The following SPIRE2 variants were observed in gnomAD, a reference collection of about 807,000 sequenced individuals.
The protein encoded by SPIRE2 is protein spire homolog 2.
SPIRE2 carries 76 observed loss-of-function variants against 80.7 expected under a neutral mutation model. The ratio of observed to expected loss-of-function variants is 0.94; its 90% CI spans 0.78 to 1.14. The LOEUF (loss-of-function observed/expected upper bound fraction) is 1.14, where lower values mean the gene tolerates loss of function less well. Among genes scored for constraint, SPIRE2 ranks in the 50% most tolerant of loss-of-function variants. The pLI is 0.00. For synonymous variants in SPIRE2, 535 were observed against 432.6 expected (o/e 1.24, Z -2.94); for missense variants, 1,196 against 1,015.3 (o/e 1.18, Z -2.42).
At position 89,852,974 on chromosome 16, in the gene SPIRE2, GGATCCCATGGCCCGTCTTCCA is replaced by G. The variant is rs1567674811; in HGVS notation, c.646-1311_646-1291del. Among the ~76,000 whole-genome samples, 98 of 89,894 alleles carry G rather than the reference GGATCCCATGGCCCGTCTTCCA, an allele frequency of 1.1e-3. 8 individuals carry two copies. The highest frequency in any genetic ancestry group is 1.6e-3 in the African/African-American group (37 of 23,248). 59.0% of individuals were successfully genotyped at this position (89,894 alleles called of 152,430 possible). A position where few individuals can be genotyped will look rare whatever the true frequency, so the allele number is the denominator to read the frequency against. On this transcript the variant is annotated intron_variant, in intron 3 of 14. Coordinates refer to ENST00000378247, the MANE Select transcript of SPIRE2 (RefSeq NM_032451.2). ...TCTTCCATCCTCCCTCTCACCCCCC[GGATCCCATGGCCCGTCTTCCA>G]TCCTCCCTCTCACCCTCAAGATCCC... is the stretch of plus-strand genomic sequence containing the variant.
Position 89,840,023 on chromosome 16 carries a change from C to T in SPIRE2, c.245-5299C>T, listed in dbSNP as rs1042754525. On this transcript the variant is annotated intron_variant, in intron 1 of 14. Transcript: ENST00000378247. ...AAGTGAGGTCACAGGGGCAAGACAC[C>T]CAGCGCCAGTAGCCACAGGTTGGTC... 2.0e-5 allele frequency among the ~76,000 whole-genome samples: 3 copies of T among 152,174 alleles called. No individual in the cohort carries two copies. The South Asian group carries it at 6.2e-4, about 31-fold the overall frequency.
chr16:89,850,128 G>T (rs1328492908), intron 2 of SPIRE2, 176 bp from the exon 3 acceptor site: 4 of 716,542 alleles, frequency 5.6e-6, no homozygotes, highest in South Asian at 4.5e-5. Flanking sequence ...GGGCCACCGC[G>T]CCCGGCCGGG....
Position 89,840,633 on chromosome 16 carries a change from CA to C in SPIRE2, c.245-4686del, listed in dbSNP as rs1331968021. On this transcript the variant is annotated intron_variant, in intron 1 of 14. Coordinates refer to ENST00000378247, the MANE Select transcript of SPIRE2 (RefSeq NM_032451.2). Reference sequence around the variant, plus strand: ...GGTTTGCATAAAAATAAAAAGTTTTCAAATTTTTTTTTTTTTTTTTTTGAGA... The same window carrying C: ...GGTTTGCATAAAAATAAAAAGTTTTCAATTTTTTTTTTTTTTTTTTTGAGA... Among the ~76,000 whole-genome samples, 401 of 125,896 alleles carry C rather than the reference CA, an allele frequency of 3.2e-3. 3 individuals are homozygous for C. The highest frequency in any genetic ancestry group is 5.3e-3 in the African/African-American group (165 of 30,944). 82.6% of individuals were successfully genotyped at this position (125,896 alleles called of 152,430 possible). A position where few individuals can be genotyped will look rare whatever the true frequency, so the allele number is the denominator to read the frequency against.
At chr16:89,840,636 AT>A (rs10708235) in intron 1 of SPIRE2, among the ~76,000 whole-genome samples, 66,106 of 116,784 alleles carry the variant, frequency 0.57, 17,691 homozygotes, top group South Asian at 0.7. Context: ...AAGTTTTCAA[AT>A]TTTTTTTTTT....
In SPIRE2 at chr16:89,828,752, C is replaced by A; in HGVS notation, c.202C>A (p.Arg68Ser). ...RLRDTGDLLLRGDGSVGAREP... is the reference protein window; with the variant it reads ...RLRDTGDLLLSGDGSVGAREP... ...GCGGGATACCGGGGACCTCCTGCTG[C>A]GCGGGGACGGCTCGGTCGGGGCGCG... Residue 68 changes from arginine (R) to serine (S), a missense_variant, in exon 1 of 15, where the codon CGC (arginine) becomes AGC (serine). Coordinates refer to ENST00000378247, the MANE Select transcript of SPIRE2 (RefSeq NM_032451.2). This position sits in a 1 kb window ranked among gnomAD's most constrained non-coding sequence, Gnocchi z 5.9. 8.3e-7 allele frequency: 1 copy of A among 1,207,866 alleles called. No homozygotes were observed. The highest frequency in any genetic ancestry group is 1.0e-6 in the Non-Finnish European group (1 of 972,314). The allele number at this position is 1,207,866 out of a possible 1,614,324, so 74.8% of individuals were successfully genotyped here.
chr16:89,867,190 G>C (rs1210181455), intron 12 of SPIRE2, among the ~76,000 whole-genome samples: 7 of 151,904 alleles, frequency 4.6e-5, no homozygotes, highest in Admixed American at 4.6e-4. Flanking sequence ...TGTCACCCAG[G>C]CTGCGGTGCA....
At chr16:89,838,188 T>G (rs889254723) in intron 1 of SPIRE2, among the ~76,000 whole-genome samples, 31 of 88,146 alleles carry the variant, frequency 3.5e-4, no homozygotes, top group Non-Finnish European at 5.5e-4. Context: ...TTTTTTTTTT[T>G]GTATTTTTAA....
chr16:89,868,583 G>C (rs1284913017), intron 13 of SPIRE2, among the ~76,000 whole-genome samples: 1 of 152,166 alleles, frequency 6.6e-6, no homozygotes, highest in Admixed American at 6.6e-5. Flanking sequence ...AAGTATGTCA[G>C]CTGGGCACGG....
At chr16:89,851,589 G>A (rs958223238) in intron 3 of SPIRE2, among the ~76,000 whole-genome samples, 4 of 152,024 alleles carry the variant, frequency 2.6e-5, no homozygotes, top group Non-Finnish European at 5.9e-5. Context: ...TCTCCCCTGG[G>A]CCTCCTATCT....
At chr16:89,869,510 G>C in intron 13 of SPIRE2, 57 bp from the exon 14 acceptor site, 2 of 1,223,788 alleles carry the variant, frequency 1.6e-6, no homozygotes, top group South Asian at 2.5e-5. Context: ...CTAGCACTGA[G>C]TGTACCTGAA....
At position 89,863,105 on chromosome 16, in the gene SPIRE2, G is replaced by A. The variant is rs181826113; in HGVS notation, c.1576-371G>A. The A allele has an allele frequency of 1.8e-4, 51 of 276,354 alleles. No individual in the cohort carries two copies. The highest frequency in any genetic ancestry group is 1.3e-3 in the Middle Eastern group (1 of 768). The allele number at this position is 276,354 out of a possible 1,614,324, so 17.1% of individuals were successfully genotyped here. A position where few individuals can be genotyped will look rare whatever the true frequency, so the allele number is the denominator to read the frequency against. On this transcript the variant is annotated intron_variant, in intron 10 of 14. Transcript: ENST00000378247. The surrounding 1 kb of genome is among the most constrained non-coding windows in gnomAD (Gnocchi z 4.3). ...GGAGGGTCCTGGACCTTCCAGAAAA[G>A]AGGACATCAGCTGCTCAGGGAGGGA...
intron 1 of SPIRE2, among the ~76,000 whole-genome samples, chr16:89,839,422 G>A (rs2041482293): frequency 6.6e-6 from 1 of 151,694 alleles, no homozygotes; most frequent in Admixed American, 6.6e-5. Flanking sequence ...GTGGCCGGGT[G>A]CCTGTGCCTT....
At chr16:89,860,462 C>T (rs72813420) in intron 9 of SPIRE2, among the ~76,000 whole-genome samples, 23,567 of 152,032 alleles carry the variant, frequency 0.16, 1,998 homozygotes, top group Middle Eastern at 0.35. Flanking sequence ...GGTCTCGCTA[C>T]GTTGCCCAGG....
intron 2 of SPIRE2, 113 bp downstream of exon 2, chr16:89,845,478 T>C: frequency 6.0e-6 from 6 of 1,003,010 alleles, no homozygotes; most frequent in Non-Finnish European, 9.4e-6. Context: ...GGAGGCAGGG[T>C]GCAGATGAAG....
At chr16:89,830,952 C>G (rs1368491318) in intron 1 of SPIRE2, among the ~76,000 whole-genome samples, 2 of 146,086 alleles carry the variant, frequency 1.4e-5, no homozygotes, top group African/African-American at 5.0e-5. Flanking sequence ...CTCTGTTGCC[C>G]AGGCTGGAGT....
intron 1 of SPIRE2, among the ~76,000 whole-genome samples, chr16:89,841,918 G>A (rs2041509558): frequency 6.6e-6 from 1 of 151,896 alleles, no homozygotes; most frequent in African/African-American, 2.4e-5. Flanking sequence ...AGGAGAGGTG[G>A]GGTTTCTCCC....
chr16:89,861,543 GCTATATATCA>G (rs1157849381), intron 10 of SPIRE2, among the ~76,000 whole-genome samples: 1 of 152,216 alleles, frequency 6.6e-6, no homozygotes, highest in African/African-American at 2.4e-5. Context: ...CCTAGGATTA[GCTATATATCA>G]CTGCATCAAA....
intron 12 of SPIRE2, among the ~76,000 whole-genome samples, chr16:89,864,173 C>CG (rs1214691329): frequency 1.3e-5 from 2 of 152,104 alleles, no homozygotes; most frequent in Admixed American, 6.5e-5. Context: ...GGAAACACAA[C>CG]GGGGCAAGCC....
At chr16:89,857,406 G>C (rs2041701004) in intron 7 of SPIRE2, among the ~76,000 whole-genome samples, 1 of 152,006 alleles carries the variant, frequency 6.6e-6, no homozygotes, top group Admixed American at 6.6e-5. Context: ...GAAGTGCTGG[G>C]ATTATGGGTG....
Sources: gnomAD v4.1 joint callset for allele counts (sites outside exome capture counted in the v4.1 genomes callset) on GRCh38, gnomAD v4.1.1 for gene constraint, Gnocchi (gnomAD v3.1) non-coding constraint, MANE v1.5 for transcripts, NCBI Gene and HGNC (gene_info 2026-07-23, HGNC 2026-07-21) for gene names.